Variants in ANXA6 observed in about 807,000 individuals in gnomAD.
ANXA6 encodes annexin A6.
Under a neutral mutation model 95.4 loss-of-function variants are expected in ANXA6, and 71 were observed. The observed-to-expected ratio is 0.74, with a 90% CI of 0.61 to 0.91. The LOEUF (loss-of-function observed/expected upper bound fraction) is 0.91, where lower values mean the gene tolerates loss of function less well. Ranked by LOEUF, ANXA6 falls within the 40% of genes least tolerant of loss-of-function variation. The pLI is 0.00. For synonymous variants in ANXA6, 289 were observed against 315.9 expected (o/e 0.91, Z 0.90); for missense variants, 830 against 876.4 (o/e 0.95, Z 0.67).
chr5:151,119,260 C>T, intron 18 of ANXA6, 40 bp downstream of exon 18: 7 of 1,551,276 alleles, frequency 4.5e-6, no homozygotes, highest in Non-Finnish European at 6.2e-6. Context: ...GGGGGCCTGG[C>T]TGTTCTCCCA....
intron 25 of ANXA6, among the ~76,000 whole-genome samples, chr5:151,102,678 T>G (rs1316146220): frequency 6.6e-6 from 1 of 152,144 alleles, no homozygotes; most frequent in Non-Finnish European, 1.5e-5. Flanking sequence ...CACTCCAGCC[T>G]GGGCGACAGA....
chr5:151,139,764 C>T (rs1272872654), intron 3 of ANXA6, among the ~76,000 whole-genome samples: 1 of 152,202 alleles, frequency 6.6e-6, no homozygotes, highest in East Asian at 1.9e-4. Context: ...TTAGAAAACC[C>T]AGGTATCCTA....
chr5:151,101,624 G>A, intron 25 of ANXA6, 117 bp from the exon 26 acceptor site: 1 of 862,220 alleles, frequency 1.2e-6, no homozygotes, highest in South Asian at 1.4e-5. Flanking sequence ...GACCAACATA[G>A]GATCCCATGC....
intron 20 of ANXA6, among the ~76,000 whole-genome samples, chr5:151,113,633 T>C (rs1029441990): frequency 6.6e-6 from 1 of 152,070 alleles, no homozygotes; most frequent in African/African-American, 2.4e-5. Flanking sequence ...GATAATAATA[T>C]CTGTAATGTA....
intron 7 of ANXA6, among the ~76,000 whole-genome samples, chr5:151,135,900 A>G (rs753948445): frequency 5.3e-5 from 8 of 152,202 alleles, no homozygotes; most frequent in Non-Finnish European, 8.8e-5. Context: ...TCTTTGTGAT[A>G]TACTTTGGGC....
intron 19 of ANXA6, 41 bp from the exon 20 acceptor site, chr5:151,117,221 G>C (rs531058466): frequency 2.3e-5 from 36 of 1,548,392 alleles, no homozygotes; most frequent in Non-Finnish European, 3.1e-5. Flanking sequence ...CCCAAACATC[G>C]ACCCATCTCC....
chr5:151,148,001 C>A, intron 1 of ANXA6, 75 bp from the exon 2 acceptor site: 1 of 1,412,526 alleles, frequency 7.1e-7, no homozygotes, highest in Non-Finnish European at 9.8e-7. Flanking sequence ...ACATTTCCTC[C>A]CTCTGCTGTT....
At chr5:151,142,999 C>T (rs560984652) in intron 2 of ANXA6, among the ~76,000 whole-genome samples, 6 of 152,170 alleles carry the variant, frequency 3.9e-5, no homozygotes, top group Non-Finnish European at 8.8e-5. Flanking sequence ...CTCCAATCCA[C>T]TTCAGTCATA....
rs1387957746 is a variant in ANXA6, at chr5:151,103,553, C to G, written c.1962+17G>C. ...ACACTCACCCGCTTCCTGCTAACCT[C>G]TAGCCCCTCCCCTTACCTCAATGGC... On this transcript the variant is annotated intron_variant, in intron 25 of 25. Coordinates refer to ENST00000354546, the MANE Select transcript of ANXA6 (RefSeq NM_001155.5). The G allele has an allele frequency of 1.2e-6, 2 of 1,610,130 alleles. No homozygotes were observed. Among genetic ancestry groups the G allele is most frequent in the Non-Finnish European group, 1.7e-6 (2 of 1,178,128 alleles).
At chr5:151,156,315 C>T (rs895771703) in intron 1 of ANXA6, among the ~76,000 whole-genome samples, 3 of 152,176 alleles carry the variant, frequency 2.0e-5, no homozygotes, top group Non-Finnish European at 2.9e-5. Flanking sequence ...GGGCACAAAG[C>T]CTTAGAGAAA....
rs747918605 is a variant in ANXA6, at chr5:151,122,938, G to A, written c.1212C>T (p.Thr404=). The change falls in exon 16 of 26, where the codon ACC becomes ACT. Residue 404 remains threonine, a synonymous_variant. Coordinates refer to ENST00000354546, the MANE Select transcript of ANXA6 (RefSeq NM_001155.5). ...SNVQRQQIRQ[T]FKSHFGRDLM... is the part of the protein sequence containing the mutation. Reference sequence around the variant, plus strand: ...TTACCCGGCCAAAGTGAGACTTGAAGGTCTGCCGGATCTGCTGCCGCTGGA... The same window carrying A: ...TTACCCGGCCAAAGTGAGACTTGAAAGTCTGCCGGATCTGCTGCCGCTGGA... 2.5e-6 allele frequency: 4 copies of A among 1,613,980 alleles called. No individual in the cohort carries two copies. The highest frequency in any genetic ancestry group is 3.4e-6 in the Non-Finnish European group (4 of 1,179,886).
chr5:151,127,971 C>T (rs1391847300), intron 13 of ANXA6, among the ~76,000 whole-genome samples: 1 of 152,170 alleles, frequency 6.6e-6, no homozygotes, highest in Non-Finnish European at 1.5e-5. Flanking sequence ...ATACAGGAGA[C>T]CACGCTCACG....
chr5:151,142,183 G>A (rs1309443034), intron 2 of ANXA6, among the ~76,000 whole-genome samples: 2 of 152,226 alleles, frequency 1.3e-5, no homozygotes, highest in African/African-American at 4.8e-5. Flanking sequence ...TAGGATGGAT[G>A]GAGAAACAAG....
At chr5:151,152,005 C>T (rs1160680689) in intron 1 of ANXA6, among the ~76,000 whole-genome samples, 2 of 152,206 alleles carry the variant, frequency 1.3e-5, no homozygotes, top group Admixed American at 6.5e-5. Flanking sequence ...TGCAATCAAT[C>T]ACGTTTTCCT....
intron 24 of ANXA6, among the ~76,000 whole-genome samples, chr5:151,104,496 A>G (rs946965214): frequency 6.6e-6 from 1 of 152,224 alleles, no homozygotes; most frequent in Non-Finnish European, 1.5e-5. Context: ...TTCCTCCTCT[A>G]TCAAATGAGG....
At position 151,105,308 on chromosome 5, in the gene ANXA6, T is replaced by C. The variant is rs766514725; in HGVS notation, c.1781-5A>G. ...GCTTGTTCTTGACACTTTGAACTGG[T>C]AGGAAGAGCAGAGAGATGCGGGGAA... is the stretch of plus-strand genomic sequence containing the variant. On this transcript the variant is annotated splice_polypyrimidine_tract_variant and splice_region_variant and intron_variant, in intron 23 of 25. Coordinates refer to ENST00000354546, the MANE Select transcript of ANXA6 (RefSeq NM_001155.5). 17 of 1,613,690 alleles carry C rather than the reference T, an allele frequency of 1.1e-5. No individual in the cohort carries two copies. The highest frequency in any genetic ancestry group is 1.7e-5 in the Admixed American group (1 of 59,996).
Position 151,143,908 on chromosome 5 carries a change from C to T in ANXA6, c.19-3665G>A, listed in dbSNP as rs994468707. On this transcript the variant is annotated intron_variant, in intron 2 of 25. Coordinates refer to ENST00000354546, the MANE Select transcript of ANXA6 (RefSeq NM_001155.5). The stretch of plus-strand genomic sequence containing the variant: ...AAGGAGTAGAGTAGGGAGGGGAAGG[C>T]GAAGAGGAAGAAGGCATCACACAGA... Among the ~76,000 whole-genome samples the T allele has an allele frequency of 3.3e-5, 5 of 151,912 alleles. No individual in the cohort carries two copies. In the East Asian group the frequency reaches 5.8e-4, roughly 18 times the overall value.
chr5:151,101,735 C>T (rs145205064), intron 25 of ANXA6, among the ~76,000 whole-genome samples: 9 of 152,270 alleles, frequency 5.9e-5, no homozygotes, highest in Non-Finnish European at 1.0e-4. Flanking sequence ...GCTTCAAGGC[C>T]CTTTGGGATC....
chr5:151,102,300 G>A (rs774891410), intron 25 of ANXA6, among the ~76,000 whole-genome samples: 4 of 151,588 alleles, frequency 2.6e-5, no homozygotes, highest in Non-Finnish European at 5.9e-5. Flanking sequence ...AAGTCTGTAA[G>A]AGACTGCCTC....
Sources: gnomAD v4.1 joint callset for allele counts (sites outside exome capture counted in the v4.1 genomes callset) on GRCh38, gnomAD v4.1.1 for gene constraint, MANE v1.5 for transcripts, NCBI Gene and HGNC (gene_info 2026-07-23, HGNC 2026-07-21) for gene names.